CADPS2: variants seen among roughly 807,000 people sequenced by gnomAD.
The protein encoded by CADPS2 is calcium-dependent secretion activator 2.
CADPS2 carries 93 observed loss-of-function variants against 172.5 expected under a neutral mutation model. The ratio of observed to expected loss-of-function variants is 0.54; its 90% CI spans 0.46 to 0.64. The LOEUF (loss-of-function observed/expected upper bound fraction) is 0.64. Ranked by LOEUF, CADPS2 falls within the 30% of genes least tolerant of loss-of-function variation. CADPS2 has a pLI of 0.00. For synonymous variants in CADPS2, 546 were observed against 555.2 expected (o/e 0.98, Z 0.23); for missense variants, 1,420 against 1,565.9 (o/e 0.91, Z 1.57).
chr7:122,882,468 G>A (rs1017199256), intron 1 of CADPS2, among the ~76,000 whole-genome samples: 6 of 152,062 alleles, frequency 3.9e-5, no homozygotes, highest in Non-Finnish European at 7.4e-5. Context: ...AAAACTACCA[G>A]CACTTTAAGC....
chr7:122,574,200 A>G (rs2067654619), intron 7 of CADPS2, among the ~76,000 whole-genome samples: 1 of 151,982 alleles, frequency 6.6e-6, no homozygotes, highest in African/African-American at 2.4e-5. Flanking sequence ...AATCCAAGCA[A>G]TCTGGGGGGC....
chr7:122,691,250 T>C (rs2084320449), intron 2 of CADPS2, among the ~76,000 whole-genome samples: 1 of 152,228 alleles, frequency 6.6e-6, no homozygotes, highest in South Asian at 2.1e-4. Context: ...ATGTAGTTAC[T>C]AACTGCTTTC....
At chr7:122,840,707 G>C (rs955136529) in intron 1 of CADPS2, among the ~76,000 whole-genome samples, 6 of 152,042 alleles carry the variant, frequency 3.9e-5, no homozygotes, top group African/African-American at 1.4e-4. Context: ...CCTGAGCCCA[G>C]AAACTTGAGA....
chr7:122,414,030 T>C, intron 19 of CADPS2, 38 bp downstream of exon 19: 2 of 1,530,334 alleles, frequency 1.3e-6, no homozygotes, highest in South Asian at 1.2e-5. Context: ...AAAAGAGGTA[T>C]CCTATGCTAA....
intron 13 of CADPS2, 85 bp from the exon 14 acceptor site, chr7:122,471,647 A>G (rs1171198169): frequency 9.5e-7 from 1 of 1,058,030 alleles, no homozygotes; most frequent in African/African-American, 1.6e-5. Context: ...TAGGCCTTAT[A>G]AGCAGAAGCT....
chr7:122,541,744 T>C (rs1476047471), intron 8 of CADPS2, among the ~76,000 whole-genome samples: 1 of 145,932 alleles, frequency 6.9e-6, no homozygotes, highest in Admixed American at 7.0e-5. Flanking sequence ...TATTCATATA[T>C]TTACATATAT....
At chr7:122,839,850 A>T (rs1051493480) in intron 1 of CADPS2, among the ~76,000 whole-genome samples, 1 of 152,210 alleles carries the variant, frequency 6.6e-6, no homozygotes, top group African/African-American at 2.4e-5. Context: ...AACTGGTTCA[A>T]CCATTGTGGA....
chr7:122,414,065 C>A lies in CADPS2; in HGVS notation c.2589+3G>T. ...ATAAAATAGTGGAAATCATTTTACT[C>A]ACCTCTCTTCCCTGAGGGTTTCCAA... On this transcript the variant is annotated splice_donor_region_variant and intron_variant, in intron 19 of 29. Coordinates refer to ENST00000449022, the MANE Select transcript of CADPS2 (RefSeq NM_017954.11). The A allele has an allele frequency of 6.5e-7, 1 of 1,548,826 alleles. No individual in the cohort carries two copies. Among genetic ancestry groups the A allele is most frequent in the South Asian group, 1.2e-5 (1 of 83,136 alleles).
At chr7:122,401,701 A>G (rs1360213328) in intron 20 of CADPS2, among the ~76,000 whole-genome samples, 1 of 152,188 alleles carries the variant, frequency 6.6e-6, no homozygotes, top group Non-Finnish European at 1.5e-5. Flanking sequence ...CTGATTGCCC[A>G]TTAAATTACC....
intron 14 of CADPS2, among the ~76,000 whole-genome samples, chr7:122,458,233 C>T (rs1298770582): frequency 1.3e-5 from 2 of 152,086 alleles, no homozygotes; most frequent in East Asian, 1.9e-4. Flanking sequence ...CTTTGCACTT[C>T]GTGTATTTCC....
rs373562637 is a variant in CADPS2 at position 122,724,084 on chromosome 7, G to A, written c.453+12871C>T. Among the ~76,000 whole-genome samples, 9 of 151,316 alleles carry A rather than the reference G, an allele frequency of 5.9e-5. No homozygotes were observed. The East Asian group carries it at 7.8e-4, about 13-fold the overall frequency. ...AGGAGATATACCTAATGTAAATGAC[G>A]AGTTGATGGGTGCAGCACAGCAACA... On this transcript the variant is annotated intron_variant, in intron 2 of 29. Coordinates refer to ENST00000449022, the MANE Select transcript of CADPS2 (RefSeq NM_017954.11).
At chr7:122,759,221 C>G (rs2093289133) in intron 1 of CADPS2, among the ~76,000 whole-genome samples, 1 of 152,120 alleles carries the variant, frequency 6.6e-6, no homozygotes, top group African/African-American at 2.4e-5. Flanking sequence ...CATCTTTCAG[C>G]ACCCACCTGA....
chr7:122,810,617 T>C lies in CADPS2; in HGVS notation c.340-73549A>G, dbSNP rs138849025. ...TGTAATAATGTTTAAGAAAGCAATA[T>C]AACCATTTATTCGCAGGATTTTATC... On this transcript the variant is annotated intron_variant, in intron 1 of 29. Coordinates refer to ENST00000449022, the MANE Select transcript of CADPS2 (RefSeq NM_017954.11). Among the ~76,000 whole-genome samples the C allele has an allele frequency of 2.0e-5, 3 of 152,258 alleles. No individual in the cohort carries two copies. In the East Asian group the frequency reaches 5.8e-4, roughly 29 times the overall value.
chr7:122,434,105 T>C (rs2050330095), intron 17 of CADPS2, among the ~76,000 whole-genome samples: 1 of 152,162 alleles, frequency 6.6e-6, no homozygotes, highest in East Asian at 1.9e-4. Context: ...ACAACAGGAA[T>C]GTTGTAGGGG....
intron 6 of CADPS2, among the ~76,000 whole-genome samples, chr7:122,592,845 G>A (rs1275598311): frequency 6.6e-6 from 1 of 151,024 alleles, no homozygotes. Context: ...CAGGGGGATG[G>A]GGGGAGGGGG....
chr7:122,512,659 T>A (rs2060085679), intron 9 of CADPS2, among the ~76,000 whole-genome samples: 1 of 152,180 alleles, frequency 6.6e-6, no homozygotes, highest in South Asian at 2.1e-4. Flanking sequence ...AAATGTGGCA[T>A]ATTTGCATTA....
intron 1 of CADPS2, among the ~76,000 whole-genome samples, chr7:122,741,798 G>A (rs1411825317): frequency 1.3e-5 from 2 of 152,048 alleles, no homozygotes; most frequent in Non-Finnish European, 2.9e-5. Context: ...TGTCCCTATG[G>A]CTTCCATACA....
chr7:122,541,832 CATATGTTTATA>C (rs2063089738), intron 8 of CADPS2, among the ~76,000 whole-genome samples: 1 of 91,528 alleles, frequency 1.1e-5, no homozygotes, highest in African/African-American at 4.0e-5. Context: ...TTTATATATT[CATATGTTTATA>C]TATTCATATA....
intron 14 of CADPS2, among the ~76,000 whole-genome samples, chr7:122,459,176 T>G (rs1238258374): frequency 6.6e-6 from 1 of 151,896 alleles, no homozygotes; most frequent in Non-Finnish European, 1.5e-5. Flanking sequence ...AACTGTAAGC[T>G]TTTAAAATAT....
Sources: allele counts gnomAD v4.1 joint callset (sites outside exome capture counted in the v4.1 genomes callset), GRCh38; gene constraint gnomAD v4.1.1; transcripts MANE v1.5; gene names NCBI Gene and HGNC (gene_info 2026-07-23, HGNC 2026-07-21).